CTCFL: variants seen among roughly 807,000 people sequenced by gnomAD.
CTCFL encodes the protein CCCTC-binding factor like.
CTCFL carries 36 observed loss-of-function variants against 67.4 expected under a neutral mutation model. The observed-to-expected ratio is 0.53, with a 90% confidence interval of 0.41 to 0.71. The LOEUF is 0.71. Ranked by LOEUF, CTCFL falls within the 30% of genes least tolerant of loss-of-function variation. The probability of loss-of-function intolerance (pLI) is 0.00; values close to 1 mark genes in which losing one functional copy is unlikely to be tolerated. For missense variants in CTCFL, 786 were observed against 835.2 expected (o/e 0.94, Z 0.73); for synonymous variants, 324 against 302.3 (o/e 1.07, Z -0.75).
intron 9 of CTCFL, among the ~76,000 whole-genome samples, chr20:57,504,026 G>A (rs531000949): frequency 6.6e-6 from 1 of 152,164 alleles, no homozygotes; most frequent in Admixed American, 6.5e-5. Context: ...GCCCAGGCTG[G>A]AGTGCAGTGG....
In CTCFL at chr20:57,503,501, A is replaced by G; in HGVS notation, c.1775T>C (p.Leu592Pro). 2 of 1,614,204 alleles carry G rather than the reference A, an allele frequency of 1.2e-6. No homozygotes were observed. The highest frequency in any genetic ancestry group is 1.7e-6 in the Non-Finnish European group (2 of 1,180,042). The change falls in exon 10 of 11, where the codon CTG (leucine) becomes CCG (proline). Residue 592 changes from leucine to proline, a missense_variant. Leu to Pro is a moderately conservative substitution (Grantham distance 98). Transcript: ENST00000243914. Reference sequence around the variant, plus strand: ...CTTCTGACCCTTTGTGGCTTCCTTCAGGATGGTCTGCTTCCTCTTTCTTGT... The same window carrying G: ...CTTCTGACCCTTTGTGGCTTCCTTCGGGATGGTCTGCTTCCTCTTTCTTGT... ...RRTRKRKQTI[L>P]KEATKGQKEA...
chr20:57,499,480 A>G (rs60693208), intron 10 of CTCFL: 10,090 of 154,040 alleles, frequency 0.066, 927 homozygotes, highest in African/African-American at 0.21. Flanking sequence ...TTTCAGTACC[A>G]GGGAACACTC....
intron 2 of CTCFL, 68 bp downstream of exon 2, chr20:57,523,595 A>G: frequency 6.5e-7 from 1 of 1,546,792 alleles, no homozygotes; most frequent in Non-Finnish European, 8.7e-7. Flanking sequence ...CAGACATAAT[A>G]TTGCATAAAA....
rs1239373827 is a variant in CTCFL, at chr20:57,498,691, A to G, written c.1851T>C (p.Ala617=). 1.9e-6 allele frequency: 3 copies of G among 1,611,712 alleles called. No individual in the cohort carries two copies. The South Asian group carries it at 3.3e-5, about 18-fold the overall frequency. Reference sequence around the variant, plus strand: ...CTCCCTTCGTGGTGGAAGCCTCCTCAGCAGCAGCTTCTTGAGAAAAAGTCC... The same window carrying G: ...CTCCCTTCGTGGTGGAAGCCTCCTCGGCAGCAGCTTCTTGAGAAAAAGTCC... ...KEAANGDEAA[A]EEASTTKGEQ... is the part of the protein sequence containing the mutation. Residue 617 remains alanine, a synonymous_variant, in exon 11 of 11, where the codon GCT becomes GCC. Transcript: ENST00000243914.
At chr20:57,516,430 G>C (rs6099662) in intron 5 of CTCFL, among the ~76,000 whole-genome samples, 1 of 152,122 alleles carries the variant, frequency 6.6e-6, no homozygotes, top group African/African-American at 2.4e-5. Flanking sequence ...CCAGCTACTC[G>C]AGAGGCTGAG....
intron 10 of CTCFL, chr20:57,500,503 AGGTGCTGTGTGCT>A (rs1419700629): frequency 6.4e-6 from 1 of 157,360 alleles, no homozygotes; most frequent in Non-Finnish European, 1.4e-5. Flanking sequence ...AATGAACTGG[AGGTGCTGTGTGCT>A]GGTGTACCGG....
intron 8 of CTCFL, among the ~76,000 whole-genome samples, chr20:57,511,737 G>A (rs1174485001): frequency 5.3e-5 from 8 of 152,010 alleles, no homozygotes; most frequent in African/African-American, 1.7e-4. Flanking sequence ...GACTACAGGC[G>A]TGTGCCACCA....
At chr20:57,519,093 A>C (rs1039788555) in intron 4 of CTCFL, 114 bp downstream of exon 4, 5 of 1,291,818 alleles carry the variant, frequency 3.9e-6, no homozygotes, top group Non-Finnish European at 5.3e-6. Flanking sequence ...AAAGAAGACA[A>C]AACTAAAGTA....
Position 57,503,417 on chromosome 20 carries a change from A to G in CTCFL, c.1840+19T>C, listed in dbSNP as rs769799576. Reference sequence around the variant, plus strand: ...AAAATCACTGAGGCGGTAAAAACAAATCTGCGTAAAATCAGTACCGTCTCC... The same window carrying G: ...AAAATCACTGAGGCGGTAAAAACAAGTCTGCGTAAAATCAGTACCGTCTCC... On this transcript the variant is annotated intron_variant, in intron 10 of 10. Transcript: ENST00000243914. The G allele has an allele frequency of 3.1e-6, 5 of 1,613,708 alleles. No homozygotes were observed. In the East Asian group the frequency reaches 1.1e-4, roughly 36 times the overall value.
At chr20:57,507,524 C>T (rs1211525496) in intron 9 of CTCFL, 4 of 697,814 alleles carry the variant, frequency 5.7e-6, no homozygotes, top group Admixed American at 2.0e-5. Flanking sequence ...GACTAGACTG[C>T]AAAAGGCACC....
intron 10 of CTCFL, 51 bp from the exon 11 acceptor site, chr20:57,498,752 GA>G: frequency 2.0e-6 from 3 of 1,530,328 alleles, no homozygotes; most frequent in Non-Finnish European, 2.7e-6. Flanking sequence ...TAAGGAATTG[GA>G]ATTTATAAAC....
chr20:57,501,949 C>T (rs1181691707), intron 10 of CTCFL, among the ~76,000 whole-genome samples: 1 of 152,242 alleles, frequency 6.6e-6, no homozygotes, highest in Non-Finnish European at 1.5e-5. Context: ...ATGACAGTGC[C>T]CCCTGCAGAG....
At chr20:57,503,682 G>C in intron 9 of CTCFL, 81 bp from the exon 10 acceptor site, 8 of 1,464,518 alleles carry the variant, frequency 5.5e-6, no homozygotes, top group Non-Finnish European at 7.4e-6. Flanking sequence ...GGGACCCCAC[G>C]CATGGAAAGA....
At chr20:57,502,325 T>C in intron 10 of CTCFL, among the ~76,000 whole-genome samples, 1 of 152,264 alleles carries the variant, frequency 6.6e-6, no homozygotes, top group Non-Finnish European at 1.5e-5. Flanking sequence ...TGCCCGCTTC[T>C]ACCCGAGTTT....
intron 2 of CTCFL, 149 bp downstream of exon 2, chr20:57,523,514 C>CT: frequency 8.5e-7 from 1 of 1,170,206 alleles, no homozygotes; most frequent in Non-Finnish European, 1.2e-6. Flanking sequence ...AAAAAAGAAC[C>CT]TAAGAACTCT....
chr20:57,507,713 C>T (rs1288106464), intron 9 of CTCFL: 1 of 703,018 alleles, frequency 1.4e-6, no homozygotes. Context: ...CCCTGGCGGA[C>T]ATCCTGACTG....
Position 57,523,954 on chromosome 20 carries a change from C to T in CTCFL, c.252G>A (p.Thr84=), listed in dbSNP as rs757389413. The T allele has an allele frequency of 1.9e-6, 3 of 1,613,108 alleles. No homozygotes were observed. In the South Asian group the frequency reaches 3.3e-5, roughly 18 times the overall value. The change falls in exon 2 of 11, where the codon ACG becomes ACA. Residue 84 remains threonine, a synonymous_variant. Transcript: ENST00000243914. ...CCACAGCTTCAGAAGTGAAGTGCAC[C>T]GTCTGCAGGGTCAGGATGTACTTCT... The part of the protein sequence containing the change: ...ESEKYILTLQ[T]VHFTSEAVEL...
Position 57,498,180 on chromosome 20 carries a change from TACTC to T in CTCFL, c.*366_*369del. The T allele has an allele frequency of 2.0e-6, 2 of 996,528 alleles. No individual in the cohort carries two copies. The highest frequency in any genetic ancestry group is 2.4e-6 in the Non-Finnish European group (2 of 837,144). 61.7% of individuals were successfully genotyped at this position (996,528 alleles called of 1,614,324 possible). On this transcript the variant is annotated 3_prime_UTR_variant, in exon 11 of 11. Coordinates refer to ENST00000243914, the MANE Select transcript of CTCFL (RefSeq NM_001386993.1). ...CTATTTTGAAATATCCAAAAATCAC[TACTC>T]ACTCATTGTGGGCCACCTTGCCAAT...
intron 6 of CTCFL, 22 bp from the exon 7 acceptor site, chr20:57,514,763 G>A: frequency 6.2e-7 from 1 of 1,611,878 alleles, no homozygotes; most frequent in Non-Finnish European, 8.5e-7. Context: ...ACAACAAAGT[G>A]ATTCCCCCTC....
Sources: gnomAD v4.1 joint callset for allele counts (sites outside exome capture counted in the v4.1 genomes callset) on GRCh38, gnomAD v4.1.1 for gene constraint, MANE v1.5 for transcripts, NCBI Gene and HGNC (gene_info 2026-07-23, HGNC 2026-07-21) for gene names.